Variants in MARCHF1 observed in about 807,000 individuals in gnomAD.
The protein encoded by MARCHF1 is membrane associated ring-CH-type finger 1.
MARCHF1 carries 40 observed loss-of-function variants against 54.2 expected under a neutral mutation model. That is an observed-to-expected ratio of 0.74 (90% confidence interval 0.57 to 0.96). The LOEUF is 0.96. Ranked by LOEUF, MARCHF1 falls within the 40% of genes least tolerant of loss-of-function variation. The pLI, the probability that MARCHF1 is intolerant of heterozygous loss-of-function variation, is 0.00. For missense variants in MARCHF1, 586 were observed against 656.5 expected (o/e 0.89, Z 1.17); for synonymous variants, 236 against 236.3 (o/e 1.00, Z 0.01).
At chr4:163,859,811 G>A (rs1358512022) in intron 3 of MARCHF1, among the ~76,000 whole-genome samples, 1 of 152,158 alleles carries the variant, frequency 6.6e-6, no homozygotes, top group Non-Finnish European at 1.5e-5. Context: ...ACTAAGAGAT[G>A]TAAGTGACCC....
At chr4:163,923,873 TTGTGATAG>T (rs1751483075) in intron 3 of MARCHF1, among the ~76,000 whole-genome samples, 1 of 151,828 alleles carries the variant, frequency 6.6e-6, no homozygotes, top group South Asian at 2.1e-4. Flanking sequence ...TTCAGTCATT[TTGTGATAG>T]GTGATGATAG....
chr4:163,823,175 G>A (rs1748747078), intron 4 of MARCHF1, among the ~76,000 whole-genome samples: 1 of 151,626 alleles, frequency 6.6e-6, no homozygotes, highest in Non-Finnish European at 1.5e-5. Flanking sequence ...TAAGTATTCT[G>A]ATATCTGACA....
At chr4:163,752,407 T>C (rs1483706635) in intron 4 of MARCHF1, among the ~76,000 whole-genome samples, 1 of 152,222 alleles carries the variant, frequency 6.6e-6, no homozygotes, top group East Asian at 1.9e-4. Flanking sequence ...CAGTGTGGTA[T>C]ACAACACAAG....
intron 3 of MARCHF1, among the ~76,000 whole-genome samples, chr4:163,968,800 A>G (rs1045050941): frequency 6.6e-6 from 1 of 152,140 alleles, no homozygotes; most frequent in Non-Finnish European, 1.5e-5. Context: ...TCTGAAGTGC[A>G]ATACGCCCTG....
chr4:163,778,545 G>T (rs374688462), intron 4 of MARCHF1, among the ~76,000 whole-genome samples: 1 of 152,072 alleles, frequency 6.6e-6, no homozygotes, highest in Admixed American at 6.6e-5. Context: ...GCCCATTTCT[G>T]GGAACTATGT....
At chr4:164,193,133 G>T (rs74427143) in intron 1 of MARCHF1, among the ~76,000 whole-genome samples, 3 of 152,038 alleles carry the variant, frequency 2.0e-5, no homozygotes, top group Admixed American at 1.3e-4. Context: ...AGGACCTCTA[G>T]CTTCATTATT....
chr4:163,655,093 C>A lies in MARCHF1; in HGVS notation c.163-41700G>T, dbSNP rs76465538. 2.6e-3 allele frequency among the ~76,000 whole-genome samples: 392 copies of A among 151,714 alleles called. 2 individuals carry two copies. Among genetic ancestry groups the A allele is most frequent in the African/African-American group, 9.1e-3 (378 of 41,474 alleles). Reference sequence around the variant, plus strand: ...TTCTATTTTTATGATTTTAAGATTACTGTTTACATTTCTAAAGTCATTCAC... The same window carrying A: ...TTCTATTTTTATGATTTTAAGATTAATGTTTACATTTCTAAAGTCATTCAC... On this transcript the variant is annotated intron_variant, in intron 5 of 9. Transcript: ENST00000514618.
chr4:163,732,056 G>A (rs775842979), intron 4 of MARCHF1, among the ~76,000 whole-genome samples: 2 of 152,058 alleles, frequency 1.3e-5, no homozygotes, highest in Non-Finnish European at 2.9e-5. Flanking sequence ...GGTATGCAAA[G>A]AAGTAGGAAA....
intron 1 of MARCHF1, among the ~76,000 whole-genome samples, chr4:164,283,800 A>G (rs567686108): frequency 6.6e-6 from 1 of 151,076 alleles, no homozygotes; most frequent in East Asian, 2.0e-4. Flanking sequence ...TGCAGGAGGG[A>G]GTGTATACAG....
intron 3 of MARCHF1, among the ~76,000 whole-genome samples, chr4:163,947,658 A>G (rs1437386455): frequency 1.3e-5 from 2 of 152,210 alleles, no homozygotes; most frequent in East Asian, 1.9e-4. Flanking sequence ...AGCTCTGTTG[A>G]CCAATTTTAG....
At chr4:164,141,958 G>T (rs1378012334) in intron 1 of MARCHF1, among the ~76,000 whole-genome samples, 1 of 152,130 alleles carries the variant, frequency 6.6e-6, no homozygotes, top group Non-Finnish European at 1.5e-5. Flanking sequence ...AGGTCAGTGG[G>T]TGGGCGCACC....
intron 3 of MARCHF1, among the ~76,000 whole-genome samples, chr4:163,950,148 C>T (rs1752105464): frequency 6.6e-6 from 1 of 152,174 alleles, no homozygotes; most frequent in African/African-American, 2.4e-5. Context: ...CCCTTTCTGC[C>T]TGGGAGCCTG....
intron 4 of MARCHF1, among the ~76,000 whole-genome samples, chr4:163,790,110 GT>G (rs2110935609): frequency 6.6e-6 from 1 of 152,146 alleles, no homozygotes; most frequent in Non-Finnish European, 1.5e-5. Context: ...GTAGCACTTG[GT>G]AGGTATAACC....
chr4:163,788,285 T>C (rs1747676667), intron 4 of MARCHF1, among the ~76,000 whole-genome samples: 1 of 151,996 alleles, frequency 6.6e-6, no homozygotes, highest in Non-Finnish European at 1.5e-5. Flanking sequence ...TTATAGAAGT[T>C]ACAAAGATAA....
At chr4:163,532,352 C>G (rs1027075103) in intron 9 of MARCHF1, among the ~76,000 whole-genome samples, 1 of 151,790 alleles carries the variant, frequency 6.6e-6, no homozygotes, top group African/African-American at 2.4e-5. Context: ...GTCTTTTTAA[C>G]AAATGGGTGC....
chr4:163,722,420 T>C (rs1389173463), intron 4 of MARCHF1, among the ~76,000 whole-genome samples: 1 of 152,224 alleles, frequency 6.6e-6, no homozygotes, highest in East Asian at 1.9e-4. Flanking sequence ...TCTGTTCTTT[T>C]ACATCTGCTG....
At chr4:164,367,191 C>T (rs1263533778) in intron 1 of MARCHF1, among the ~76,000 whole-genome samples, 1 of 152,054 alleles carries the variant, frequency 6.6e-6, no homozygotes, top group East Asian at 1.9e-4. Context: ...CTCCTTATTA[C>T]ATTTTCTTAG....
chr4:164,229,790 G>C (rs1211572763), intron 1 of MARCHF1, among the ~76,000 whole-genome samples: 1 of 152,074 alleles, frequency 6.6e-6, no homozygotes, highest in African/African-American at 2.4e-5. Flanking sequence ...GAACAAGAGG[G>C]TAGGTGCTAC....
At chr4:164,018,663 A>T (rs1367077728) in intron 2 of MARCHF1, among the ~76,000 whole-genome samples, 1 of 152,174 alleles carries the variant, frequency 6.6e-6, no homozygotes, top group Admixed American at 6.6e-5. Context: ...TATTTTAAAA[A>T]GTTATATTAT....
Sources: gnomAD v4.1 joint callset for allele counts (sites outside exome capture counted in the v4.1 genomes callset) on GRCh38, gnomAD v4.1.1 for gene constraint, MANE v1.5 for transcripts, NCBI Gene and HGNC (gene_info 2026-07-23, HGNC 2026-07-21) for gene names.